Variants in PALLD observed in about 807,000 individuals in gnomAD.
PALLD encodes palladin.
A neutral mutation model predicts 123.5 loss-of-function variants in PALLD; 61 were observed. The ratio of observed to expected loss-of-function variants is 0.49; its 90% CI spans 0.40 to 0.61. The LOEUF (loss-of-function observed/expected upper bound fraction) is 0.61, where lower values mean the gene tolerates loss of function less well. Ranked by LOEUF, PALLD falls within the 20% of genes least tolerant of loss-of-function variation. The probability of loss-of-function intolerance (pLI) is 0.00; values close to 1 mark genes in which losing one functional copy is unlikely to be tolerated. For synonymous variants in PALLD, 465 were observed against 496.4 expected (o/e 0.94, Z 0.84); for missense variants, 1,273 against 1,377.0 (o/e 0.92, Z 1.20).
intron 5 of PALLD, among the ~76,000 whole-genome samples, chr4:168,684,008 C>A (rs528758693): frequency 1.3e-5 from 2 of 152,262 alleles, no homozygotes; most frequent in South Asian, 4.1e-4. Flanking sequence ...TACATATTTC[C>A]TTTAAACCCC....
Position 168,625,502 on chromosome 4 carries a change from G to GATAGATAGATAGATAGATAGATAGATAT in PALLD, c.909-42685_909-42684insGATAGATAGATAGATAGATAGATATATA. Among the ~76,000 whole-genome samples, 66 of 114,474 alleles carry GATAGATAGATAGATAGATAGATAGATAT rather than the reference G, an allele frequency of 5.8e-4. 3 individuals are homozygous for GATAGATAGATAGATAGATAGATAGATAT. Among genetic ancestry groups the GATAGATAGATAGATAGATAGATAGATAT allele is most frequent in the Middle Eastern group, 8.6e-3 (2 of 232 alleles). 75.1% of individuals were successfully genotyped at this position (114,474 alleles called of 152,430 possible). A position where few individuals can be genotyped will look rare whatever the true frequency, so the allele number is the denominator to read the frequency against. On this transcript the variant is annotated intron_variant, in intron 2 of 21. Coordinates refer to ENST00000505667, the MANE Select transcript of PALLD (RefSeq NM_001166108.2). The stretch of plus-strand genomic sequence containing the variant: ...TCCAATAAGGGATTAATATCCAGGA[G>GATAGATAGATAGATAGATAGATAGATAT]ATATATATATATATATCCTATAAGG...
chr4:168,757,448 T>C (rs1329376573), intron 10 of PALLD, among the ~76,000 whole-genome samples: 1 of 152,246 alleles, frequency 6.6e-6, no homozygotes, highest in Non-Finnish European at 1.5e-5. Flanking sequence ...CCAATGCCCA[T>C]GTAATGATTT....
chr4:168,919,068 G>C (rs1255495082), intron 17 of PALLD, among the ~76,000 whole-genome samples: 1 of 152,058 alleles, frequency 6.6e-6, no homozygotes, highest in Non-Finnish European at 1.5e-5. Flanking sequence ...TACCATACTG[G>C]TTATCTCTAT....
intron 3 of PALLD, among the ~76,000 whole-genome samples, chr4:168,676,588 A>T (rs530912449): frequency 3.7e-3 from 546 of 148,640 alleles, no homozygotes; most frequent in East Asian, 0.013. Flanking sequence ...TTAAAAAAAA[A>T]TTTTTTTTTT....
In PALLD at chr4:168,564,300, G is replaced by A. The variant is rs114930365; in HGVS notation, c.908+51888G>A. On this transcript the variant is annotated intron_variant, in intron 2 of 21. Transcript: ENST00000505667. ...TCACGTAGACTCCAACATAACCAGT[G>A]TCTCAAGTGAGGTGACCTATTCTCC... is the stretch of plus-strand genomic sequence containing the variant. Among the ~76,000 whole-genome samples, 813 of 152,314 alleles carry A rather than the reference G, an allele frequency of 5.3e-3. 8 individuals carry two copies. The highest frequency in any genetic ancestry group is 0.018 in the African/African-American group (744 of 41,562).
chr4:168,744,498 C>CTCCAGTG (rs1788668275), intron 10 of PALLD, among the ~76,000 whole-genome samples: 1 of 30,522 alleles, frequency 3.3e-5, no homozygotes, highest in Non-Finnish European at 6.5e-5. Flanking sequence ...AAAAACAGAA[C>CTCCAGTG]TCATGGTCTT....
intron 2 of PALLD, among the ~76,000 whole-genome samples, chr4:168,598,931 C>A (rs866782690): frequency 4.6e-5 from 7 of 152,148 alleles, no homozygotes; most frequent in South Asian, 2.1e-4. Flanking sequence ...AATTTTATTT[C>A]TTTAATAAAT....
intron 8 of PALLD, among the ~76,000 whole-genome samples, chr4:168,693,891 C>A (rs1581006049): frequency 1.3e-5 from 2 of 151,960 alleles, no homozygotes; most frequent in Non-Finnish European, 2.9e-5. Context: ...CAAAAAAAAC[C>A]CTTAAACACA....
chr4:168,589,486 T>C (rs1178184190), intron 2 of PALLD, among the ~76,000 whole-genome samples: 1 of 152,148 alleles, frequency 6.6e-6, no homozygotes, highest in African/African-American at 2.4e-5. Flanking sequence ...AAGTGTTCTA[T>C]AACCGTGAAA....
chr4:168,715,478 A>G (rs1215966556), intron 10 of PALLD, among the ~76,000 whole-genome samples: 1 of 152,228 alleles, frequency 6.6e-6, no homozygotes, highest in African/African-American at 2.4e-5. Context: ...GAAGCAACAC[A>G]ATGCTTAAGT....
At chr4:168,925,136 A>G in intron 20 of PALLD, 58 bp downstream of exon 20, 1 of 1,599,194 alleles carries the variant, frequency 6.3e-7, no homozygotes, top group Non-Finnish European at 8.6e-7. Flanking sequence ...GAAAAATTAG[A>G]CATCTGGACA....
intron 2 of PALLD, among the ~76,000 whole-genome samples, chr4:168,586,094 T>G (rs1770786813): frequency 6.6e-6 from 1 of 151,064 alleles, no homozygotes; most frequent in Non-Finnish European, 1.5e-5. Context: ...GCCAGAGTGT[T>G]TGAGCACTTT....
intron 2 of PALLD, among the ~76,000 whole-genome samples, chr4:168,561,083 G>A (rs74839209): frequency 0.043 from 6,508 of 152,044 alleles, 171 homozygotes; most frequent in South Asian, 0.15. Flanking sequence ...AGTGAGACAT[G>A]AGCAGCCCTA....
At chr4:168,737,758 G>A (rs1787905050) in intron 10 of PALLD, among the ~76,000 whole-genome samples, 1 of 152,188 alleles carries the variant, frequency 6.6e-6, no homozygotes, top group African/African-American at 2.4e-5. Context: ...ACAGATCAAG[G>A]TCAAGTAAGA....
intron 10 of PALLD, chr4:168,832,923 C>T (rs1744507098): frequency 6.6e-6 from 1 of 152,392 alleles, no homozygotes; most frequent in Non-Finnish European, 1.5e-5. Flanking sequence ...GAACCCGAAC[C>T]TCAGCTGCAG....
At chr4:168,633,427 G>A (rs797014323) in intron 2 of PALLD, among the ~76,000 whole-genome samples, 32 of 152,264 alleles carry the variant, frequency 2.1e-4, no homozygotes, top group African/African-American at 7.0e-4. Context: ...ACCTTAGGAG[G>A]CTATAAAATA....
chr4:168,652,295 A>G (rs1778132009), intron 2 of PALLD, among the ~76,000 whole-genome samples: 4 of 152,220 alleles, frequency 2.6e-5, no homozygotes. Flanking sequence ...GGGGTGGGAT[A>G]TTCAGGAAAC....
intron 10 of PALLD, among the ~76,000 whole-genome samples, chr4:168,749,406 T>A (rs1185011488): frequency 6.8e-5 from 10 of 146,602 alleles, no homozygotes; most frequent in African/African-American, 2.3e-4. Context: ...CTATCACCTT[T>A]AAAAAAAAAA....
intron 2 of PALLD, among the ~76,000 whole-genome samples, chr4:168,658,445 C>T (rs1778818540): frequency 6.6e-6 from 1 of 151,996 alleles, no homozygotes; most frequent in Non-Finnish European, 1.5e-5. Flanking sequence ...CCACCATGCC[C>T]AGTTAGTTTT....
Sources: gnomAD v4.1 joint callset for allele counts (sites outside exome capture counted in the v4.1 genomes callset) on GRCh38, gnomAD v4.1.1 for gene constraint, MANE v1.5 for transcripts, NCBI Gene and HGNC (gene_info 2026-07-23, HGNC 2026-07-21) for gene names.